Variants in SASH1 observed in about 807,000 individuals in gnomAD.
The protein encoded by SASH1 is SAM and SH3 domain-containing protein 1.
A neutral mutation model predicts 125.2 loss-of-function variants in SASH1; 44 were observed. The ratio of observed to expected loss-of-function variants is 0.35; its 90% CI spans 0.28 to 0.45. The LOEUF is 0.45. Among genes scored for constraint, SASH1 ranks in the 20% least tolerant of loss-of-function variants. The probability of loss-of-function intolerance (pLI) is 1.00; values close to 1 mark genes in which losing one functional copy is unlikely to be tolerated. For synonymous variants in SASH1, 639 were observed against 649.1 expected, an observed-to-expected ratio of 0.98 and a Z score of 0.24; for missense variants, 1,426 against 1,614.5, an observed-to-expected ratio of 0.88 and a Z score of 2.00.
At chr6:148,362,115 G>T (rs1408525231) in intron 1 of SASH1, among the ~76,000 whole-genome samples, 1 of 151,460 alleles carries the variant, frequency 6.6e-6, no homozygotes, top group African/African-American at 2.4e-5. Flanking sequence ...TTTTAGTAGA[G>T]ACGGGGTTTC....
chr6:148,379,601 A>G (rs1295933188), intron 1 of SASH1, among the ~76,000 whole-genome samples: 1 of 152,126 alleles, frequency 6.6e-6, no homozygotes, highest in Non-Finnish European at 1.5e-5. Context: ...CCATCCATCC[A>G]TCAATCCATC....
intron 7 of SASH1, among the ~76,000 whole-genome samples, chr6:148,487,129 A>G (rs144081766): frequency 0.013 from 1,935 of 146,376 alleles, 58 homozygotes; most frequent in African/African-American, 0.044. Flanking sequence ...ATATATATAT[A>G]TGTGTATGTT....
intron 1 of SASH1, among the ~76,000 whole-genome samples, chr6:148,378,644 G>C (rs1461005721): frequency 2.0e-5 from 3 of 152,196 alleles, no homozygotes; most frequent in African/African-American, 7.2e-5. Flanking sequence ...GAGCCACCGT[G>C]CCTGGTTGAT....
chr6:148,446,967 CA>C (rs1776823651), intron 4 of SASH1, among the ~76,000 whole-genome samples: 1 of 152,190 alleles, frequency 6.6e-6, no homozygotes, highest in African/African-American at 2.4e-5. Context: ...AGGCTAGTGG[CA>C]AATCGTGTTC....
the SASH1 span, among the ~76,000 whole-genome samples, chr6:148,231,727 C>A: frequency 2.6e-5 from 4 of 151,604 alleles, no homozygotes; most frequent in African/African-American, 4.9e-5. Context: ...TAAGGACGAC[C>A]TTTAATACAA....
At chr6:148,468,333 G>A (rs369120986) in intron 4 of SASH1, among the ~76,000 whole-genome samples, 4 of 152,176 alleles carry the variant, frequency 2.6e-5, no homozygotes, top group South Asian at 4.1e-4. Context: ...TCTCACCTTC[G>A]AGTGAGTCTT....
intron 8 of SASH1, among the ~76,000 whole-genome samples, chr6:148,501,082 C>G (rs1001802763): frequency 6.6e-6 from 1 of 151,624 alleles, no homozygotes; most frequent in Non-Finnish European, 1.5e-5. Flanking sequence ...ACCCTCCTGC[C>G]TCCAGCTTCG....
chr6:148,207,980 G>A, the SASH1 span, among the ~76,000 whole-genome samples: 4 of 152,190 alleles, frequency 2.6e-5, no homozygotes, highest in African/African-American at 9.7e-5. Context: ...GACCATGACT[G>A]CATTTAAGCA....
intron 1 of SASH1, among the ~76,000 whole-genome samples, chr6:148,315,000 C>T (rs1010794747): frequency 2.0e-5 from 3 of 152,074 alleles, no homozygotes; most frequent in South Asian, 2.1e-4. Context: ...TCAGGTGATC[C>T]GCCCAACTTG....
the SASH1 span, among the ~76,000 whole-genome samples, chr6:148,245,742 C>G: frequency 6.6e-6 from 1 of 152,060 alleles, no homozygotes; most frequent in Non-Finnish European, 1.5e-5. Flanking sequence ...AATCCCAGCA[C>G]TTTGGGAGGC....
chr6:148,247,617 C>T, the SASH1 span, among the ~76,000 whole-genome samples: 19 of 152,280 alleles, frequency 1.2e-4, no homozygotes, highest in East Asian at 3.9e-4. Context: ...TGGTCATATC[C>T]GGGGCCTAAA....
chr6:148,471,422 G>A lies in SASH1; in HGVS notation c.433G>A (p.Gly145Arg). ...TTTTTTTTTTTTTTTTTAAGGAAAA[G>A]GAGACTGGAAGAAGAAAAATAAGTA... is the stretch of plus-strand genomic sequence containing the variant. ...SNSEDSSVGKGDWKKKNKYFW... is the reference protein window; with the variant it reads ...SNSEDSSVGKRDWKKKNKYFW... Residue 145 changes from glycine to arginine, a missense_variant, in exon 6 of 20, where the codon GGA becomes AGA. Gly to Arg is a moderately radical substitution (Grantham distance 125, BLOSUM62 -2). This residue lies in a region of SASH1 where 567 missense variants were observed against 575.6 expected (regional missense o/e 0.99). Transcript: ENST00000367467. 2 of 1,186,914 alleles carry A rather than the reference G, an allele frequency of 1.7e-6. No individual in the cohort carries two copies. The highest frequency in any genetic ancestry group is 1.6e-5 in the African/African-American group (1 of 61,240). 73.5% of individuals were successfully genotyped at this position (1,186,914 alleles called of 1,614,324 possible). A position where few individuals can be genotyped will look rare whatever the true frequency, so the allele number is the denominator to read the frequency against.
chr6:148,269,712 A>G (rs1779019268), upstream of SASH1, among the ~76,000 whole-genome samples: 1 of 152,184 alleles, frequency 6.6e-6, no homozygotes, highest in Non-Finnish European at 1.5e-5. Flanking sequence ...CTATCTTCAA[A>G]TAAGGTCATA....
At chr6:148,492,412 A>G (rs1779143783) in intron 8 of SASH1, among the ~76,000 whole-genome samples, 1 of 152,188 alleles carries the variant, frequency 6.6e-6, no homozygotes, top group African/African-American at 2.4e-5. Context: ...GGAGACGTTT[A>G]TGGAGCCCTT....
chr6:148,267,106 A>C, the SASH1 span, among the ~76,000 whole-genome samples: 1 of 151,982 alleles, frequency 6.6e-6, no homozygotes, highest in African/African-American at 2.4e-5. Flanking sequence ...ATAATAACCA[A>C]CTCTAACCTA....
At chr6:148,324,899 C>T (rs115667588) in intron 1 of SASH1, among the ~76,000 whole-genome samples, 1,955 of 152,286 alleles carry the variant, frequency 0.013, 36 homozygotes, top group African/African-American at 0.044. Flanking sequence ...CTGCTGCCAT[C>T]AGGCAGCCTC....
intron 2 of SASH1, among the ~76,000 whole-genome samples, chr6:148,422,829 G>A (rs1195378647): frequency 2.0e-5 from 3 of 152,094 alleles, no homozygotes; most frequent in Admixed American, 1.3e-4. Flanking sequence ...CCAATAAAAA[G>A]TTTGCCCTGG....
the SASH1 span, among the ~76,000 whole-genome samples, chr6:148,203,751 G>A: frequency 3.3e-5 from 5 of 152,182 alleles, no homozygotes; most frequent in Admixed American, 6.5e-5. Context: ...ACTATTGGAT[G>A]CCACACGTAG....
rs750506965 is a variant in SASH1, at chr6:148,544,596, G to A, written c.3126G>A (p.Arg1042=). 5.6e-6 allele frequency: 9 copies of A among 1,613,060 alleles called. No homozygotes were observed. Among genetic ancestry groups the A allele is most frequent in the Non-Finnish European group, 5.9e-6 (7 of 1,179,896 alleles). The change falls in exon 18 of 20, where the codon AGG becomes AGA. Residue 1042 remains arginine, a synonymous_variant. Transcript: ENST00000367467. This position sits in a 1 kb window ranked among gnomAD's most constrained non-coding sequence, Gnocchi z 6.4. ...PSDCPPALAP[R]PLSGQAPGSP... is the part of the protein sequence containing the mutation. ...ACTGTCCCCCAGCACTGGCTCCCAGGCCTCTCTCAGGGCAGGCGCCTGGCA... is the reference window on the plus strand; with the variant it reads ...ACTGTCCCCCAGCACTGGCTCCCAGACCTCTCTCAGGGCAGGCGCCTGGCA...
Sources: allele counts gnomAD v4.1 joint callset (sites outside exome capture counted in the v4.1 genomes callset), GRCh38; gene constraint gnomAD v4.1.1; regional missense constraint gnomAD v4.1.1; non-coding constraint Gnocchi (gnomAD v3.1); transcripts MANE v1.5; gene names NCBI Gene and HGNC (gene_info 2026-07-23, HGNC 2026-07-21).